DLGAP4: variants seen among roughly 807,000 people sequenced by gnomAD.
DLGAP4 encodes DLG associated protein 4.
Under a neutral mutation model 86.9 loss-of-function variants are expected in DLGAP4, and 18 were observed. The ratio of observed to expected loss-of-function variants is 0.21; its 90% CI spans 0.14 to 0.31. The LOEUF (loss-of-function observed/expected upper bound fraction) is 0.31, where lower values mean the gene tolerates loss of function less well. DLGAP4 is among the 10% of genes least tolerant of loss of function. The pLI is 1.00. For missense variants in DLGAP4, 1,085 were observed against 1,362.6 expected (o/e 0.80, Z 3.21); for synonymous variants, 548 against 574.3 (o/e 0.95, Z 0.65).
chr20:36,454,249 ACT>A (rs1275869893), intron 7 of DLGAP4, among the ~76,000 whole-genome samples: 2 of 120,522 alleles, frequency 1.7e-5, no homozygotes, highest in African/African-American at 5.8e-5. Flanking sequence ...ACAGAGCGAG[ACT>A]CTGTCTCAAA....
intron 7 of DLGAP4, among the ~76,000 whole-genome samples, chr20:36,494,707 C>G (rs1217169153): frequency 1.3e-5 from 2 of 152,170 alleles, no homozygotes; most frequent in African/African-American, 2.4e-5. Context: ...ACAAGGGTCC[C>G]TCTTGTTACC....
chr20:36,463,192 T>C (rs929317177), intron 7 of DLGAP4, among the ~76,000 whole-genome samples: 2 of 152,188 alleles, frequency 1.3e-5, no homozygotes, highest in African/African-American at 4.8e-5. Context: ...TTTGGTAGTC[T>C]AACCTCTGGG....
chr20:36,461,753 C>G, intron 7 of DLGAP4: 1 of 223,250 alleles, frequency 4.5e-6, no homozygotes, highest in Non-Finnish European at 6.1e-6. Context: ...GTCCGTCCGC[C>G]CGCCCGCCCG....
chr20:36,459,219 A>G (rs2147608405), intron 7 of DLGAP4, among the ~76,000 whole-genome samples: 1 of 152,236 alleles, frequency 6.6e-6, no homozygotes, highest in Admixed American at 6.6e-5. Flanking sequence ...CCAGTACTGG[A>G]GTACAGTAGA....
At chr20:36,429,419 T>C (rs2033069909) in intron 2 of DLGAP4, among the ~76,000 whole-genome samples, 1 of 146,630 alleles carries the variant, frequency 6.8e-6, no homozygotes, top group African/African-American at 2.5e-5. Flanking sequence ...TTTTTTTTTT[T>C]TTTGAGACAG....
At chr20:36,452,655 A>G (rs1346095947) in intron 7 of DLGAP4, among the ~76,000 whole-genome samples, 2 of 151,676 alleles carry the variant, frequency 1.3e-5, no homozygotes, top group South Asian at 4.2e-4. Context: ...GATTACAGGC[A>G]TATGCCACCA....
intron 1 of DLGAP4, among the ~76,000 whole-genome samples, chr20:36,363,800 C>T (rs1422947484): frequency 6.6e-6 from 1 of 152,188 alleles, no homozygotes; most frequent in African/African-American, 2.4e-5. Context: ...AATTTTGTCT[C>T]ATTTATTCAA....
At chr20:36,456,749 T>C (rs920360706) in intron 7 of DLGAP4, among the ~76,000 whole-genome samples, 2 of 152,112 alleles carry the variant, frequency 1.3e-5, no homozygotes, top group African/African-American at 4.8e-5. Flanking sequence ...CTGGGGGAAA[T>C]AGTGACCAGG....
chr20:36,418,674 A>G (rs1293580436), intron 2 of DLGAP4, among the ~76,000 whole-genome samples: 1 of 152,038 alleles, frequency 6.6e-6, no homozygotes, highest in Non-Finnish European at 1.5e-5. Flanking sequence ...GAGCTGTGAC[A>G]TCCACATCCT....
chr20:36,467,756 G>C (rs1384298654), intron 7 of DLGAP4, among the ~76,000 whole-genome samples: 2 of 152,194 alleles, frequency 1.3e-5, no homozygotes, highest in African/African-American at 4.8e-5. Flanking sequence ...GTTGGGTGTT[G>C]CTGGTTTGGG....
chr20:36,375,411 A>T (rs1227289862), intron 2 of DLGAP4, among the ~76,000 whole-genome samples: 2 of 152,172 alleles, frequency 1.3e-5, no homozygotes, highest in African/African-American at 4.8e-5. Flanking sequence ...ATACTTTATC[A>T]TGCCCCATGG....
intron 10 of DLGAP4, among the ~76,000 whole-genome samples, chr20:36,502,211 A>G (rs2036175577): frequency 1.3e-5 from 2 of 152,206 alleles, no homozygotes; most frequent in Admixed American, 6.5e-5. Context: ...TCTGTTTACT[A>G]TGAGTATGTA....
chr20:36,438,045 C>G (rs113485790), intron 4 of DLGAP4, among the ~76,000 whole-genome samples: 1,682 of 152,280 alleles, frequency 0.011, 31 homozygotes, highest in African/African-American at 0.038. Context: ...CTGGGACTAC[C>G]AGCATGGGCC....
At chr20:36,427,393 G>A (rs900268165) in intron 2 of DLGAP4, among the ~76,000 whole-genome samples, 17 of 151,840 alleles carry the variant, frequency 1.1e-4, no homozygotes, top group South Asian at 6.2e-4. Flanking sequence ...CAGGAGAATC[G>A]GTTGAACCTG....
chr20:36,325,273 T>C (rs1164222636), intron 1 of DLGAP4, among the ~76,000 whole-genome samples: 1 of 152,102 alleles, frequency 6.6e-6, no homozygotes, highest in Non-Finnish European at 1.5e-5. Context: ...TTTTCAGGGA[T>C]CTTTCTGTTA....
chr20:36,340,050 T>G (rs2065362531), intron 1 of DLGAP4, among the ~76,000 whole-genome samples: 1 of 152,114 alleles, frequency 6.6e-6, no homozygotes, highest in South Asian at 2.1e-4. Flanking sequence ...TTCATGATCT[T>G]GCCGCCCACA....
chr20:36,439,083 G>C (rs1219693416), intron 4 of DLGAP4, among the ~76,000 whole-genome samples: 1 of 152,168 alleles, frequency 6.6e-6, no homozygotes, highest in Admixed American at 6.5e-5. Flanking sequence ...AATAACAGTA[G>C]TAGTAGTAGC....
intron 2 of DLGAP4, among the ~76,000 whole-genome samples, chr20:36,412,949 C>T (rs2032541614): frequency 6.6e-6 from 1 of 151,624 alleles, no homozygotes; most frequent in African/African-American, 2.4e-5. Context: ...GTTGTACAGC[C>T]ATCACCACTG....
chr20:36,327,059 G>A (rs1243901744), intron 1 of DLGAP4, among the ~76,000 whole-genome samples: 4 of 137,630 alleles, frequency 2.9e-5, no homozygotes, highest in African/African-American at 1.1e-4. Flanking sequence ...GAGTGCAGTA[G>A]TGTGATCTCA....
Sources: allele counts gnomAD v4.1 joint callset (sites outside exome capture counted in the v4.1 genomes callset), GRCh38; gene constraint gnomAD v4.1.1; transcripts MANE v1.5; gene names NCBI Gene and HGNC (gene_info 2026-07-23, HGNC 2026-07-21).